The following COL5A3 variants were observed in gnomAD, a reference collection of about 807,000 sequenced individuals.
The protein encoded by COL5A3 is collagen type V alpha 3 chain, also known as collagen alpha-3(V) chain.
In COL5A3, 172 loss-of-function variants were observed where a neutral mutation model predicts 250.0. The ratio of observed to expected loss-of-function variants is 0.69; its 90% CI spans 0.61 to 0.78. COL5A3 has a LOEUF of 0.78. COL5A3 is among the 30% of genes least tolerant of loss of function. The probability of loss-of-function intolerance (pLI) is 0.00; values close to 1 mark genes in which losing one functional copy is unlikely to be tolerated. For missense variants in COL5A3, 2,340 were observed against 2,334.4 expected, an observed-to-expected ratio of 1.00 and a Z score of -0.05; for synonymous variants, 937 against 900.4, an observed-to-expected ratio of 1.04 and a Z score of -0.73.
rs2086780368 is a variant in COL5A3, at chr19:9,968,135, A to G, written c.4315-56T>C. On this transcript the variant is annotated intron_variant, in intron 59 of 66. Transcript: ENST00000264828. The surrounding 1 kb of genome is among the most constrained non-coding windows in gnomAD (Gnocchi z 4.1). ...GGGGTACACCCTATTGCCCTGACACATCCCCCAGACAAGCCTTCAATCCTA... is the reference window on the plus strand; with the variant it reads ...GGGGTACACCCTATTGCCCTGACACGTCCCCCAGACAAGCCTTCAATCCTA... 6.7e-7 allele frequency: 1 copy of G among 1,488,246 alleles called. No homozygotes were observed. The highest frequency in any genetic ancestry group is 9.2e-7 in the Non-Finnish European group (1 of 1,091,514). 92.2% of individuals were successfully genotyped at this position (1,488,246 alleles called of 1,614,324 possible).
intron 44 of COL5A3, among the ~76,000 whole-genome samples, chr19:9,976,911 C>T (rs907533514): frequency 2.6e-5 from 4 of 152,002 alleles, no homozygotes; most frequent in Admixed American, 1.3e-4. Context: ...GTATCAGATG[C>T]TTCAGTGCCT....
In COL5A3 at chr19:9,983,584, GAAAGAAAGAAAGAA is replaced by G. The variant is rs1568418760; in HGVS notation, c.2407-1480_2407-1467del. Reference sequence around the variant, plus strand: ...AGAAAGAAAGAAAGAAAGAAAGAAAGAAAGAAAGAAAGAAAGAGAAAGAGAGAGAGAGAGAAAGA... The same window carrying G: ...AGAAAGAAAGAAAGAAAGAAAGAAAGAGAGAAAGAGAGAGAGAGAGAAAGA... On this transcript the variant is annotated intron_variant, in intron 31 of 66. Transcript: ENST00000264828. Among the ~76,000 whole-genome samples the G allele has an allele frequency of 6.5e-4, 59 of 90,820 alleles. 1 individual carries two copies. Among genetic ancestry groups the G allele is most frequent in the African/African-American group, 1.9e-3 (46 of 24,632 alleles). 59.6% of individuals were successfully genotyped at this position (90,820 alleles called of 152,430 possible).
chr19:10,006,372 A>C, intron 1 of COL5A3, 141 bp from the exon 2 acceptor site: 1 of 829,836 alleles, frequency 1.2e-6, no homozygotes, highest in Non-Finnish European at 1.8e-6. Context: ...GCTCAGGAAG[A>C]AGGAGCCGGC....
intron 1 of COL5A3, 61 bp downstream of exon 1, chr19:10,010,237 G>T (rs1030459684): frequency 1.1e-5 from 5 of 458,532 alleles, no homozygotes; most frequent in Non-Finnish European, 1.6e-5. Context: ...TCCACCCCTC[G>T]CTCTTTTAGA....
chr19:10,008,127 A>G (rs925754753), intron 1 of COL5A3, among the ~76,000 whole-genome samples: 2 of 151,902 alleles, frequency 1.3e-5, no homozygotes, highest in Admixed American at 6.6e-5. Context: ...TCACTTCCCC[A>G]CGGAACAATC....
intron 1 of COL5A3, among the ~76,000 whole-genome samples, chr19:10,007,731 T>G (rs1340314963): frequency 1.3e-5 from 2 of 152,156 alleles, no homozygotes; most frequent in African/African-American, 4.8e-5. Context: ...GGCACGGGCT[T>G]GGATGAAGGA....
intron 24 of COL5A3, 66 bp downstream of exon 24, chr19:9,991,544 T>G: frequency 5.0e-6 from 7 of 1,402,232 alleles, no homozygotes; most frequent in Non-Finnish European, 6.8e-6. Context: ...GTGGGAAGAT[T>G]TTCCTGGCAA....
At chr19:9,983,529 G>GAAAGA (rs71188871) in intron 31 of COL5A3, among the ~76,000 whole-genome samples, 1 of 95,240 alleles carries the variant, frequency 1.0e-5, no homozygotes, top group Admixed American at 1.3e-4. Flanking sequence ...CAAAAAGAAA[G>GAAAGA]AAGAAAGAAA....
chr19:10,004,189 C>A (rs1311491111), intron 4 of COL5A3, 44 bp from the exon 5 acceptor site: 1 of 1,454,840 alleles, frequency 6.9e-7, no homozygotes, highest in East Asian at 2.3e-5. Flanking sequence ...AGCCATACAG[C>A]CATAGGCTTA....
chr19:9,962,093 CAAAATA>C (rs2086682006), intron 65 of COL5A3, among the ~76,000 whole-genome samples: 1 of 151,180 alleles, frequency 6.6e-6, no homozygotes, highest in African/African-American at 2.4e-5. Context: ...GAAAAAAATA[CAAAATA>C]TCTTAATAAT....
At position 9,977,262 on chromosome 19, in the gene COL5A3, T is replaced by C. The variant is rs1177225288; in HGVS notation, c.3255A>G (p.Gly1085=). 1.2e-6 allele frequency: 2 copies of C among 1,614,026 alleles called. No homozygotes were observed. Among genetic ancestry groups the C allele is most frequent in the Admixed American group, 3.3e-5 (2 of 60,014 alleles). The change falls in exon 44 of 67, where the codon GGA becomes GGG. Residue 1085 remains glycine, a synonymous_variant. Coordinates refer to ENST00000264828, the MANE Select transcript of COL5A3 (RefSeq NM_015719.4). ...CTTTATCGCCTTTACTCCCCTTGTG[T>C]CCGGGGGCACCCACATCCCCCTGCA... ...EGDKGDVGAP[G]HKGSKGDKGD...
At chr19:9,965,610 G>A (rs2086732800) in intron 64 of COL5A3, among the ~76,000 whole-genome samples, 1 of 151,542 alleles carries the variant, frequency 6.6e-6, no homozygotes, top group South Asian at 2.1e-4. Context: ...CCGCCATCAC[G>A]CTCAGCTGAT....
intron 55 of COL5A3, 81 bp from the exon 56 acceptor site, chr19:9,969,763 G>C (rs903258267): frequency 1.9e-5 from 30 of 1,567,724 alleles, no homozygotes; most frequent in Non-Finnish European, 2.6e-5. Flanking sequence ...ATCTGGGATC[G>C]GGAGGGAGTA....
At chr19:9,993,527 G>A in intron 18 of COL5A3, 92 bp downstream of exon 18, 1 of 1,577,926 alleles carries the variant, frequency 6.3e-7, no homozygotes, top group Non-Finnish European at 8.7e-7. Context: ...GAGGGACACA[G>A]GGATCATGAC....
chr19:9,995,111 T>C (rs1293388784), intron 16 of COL5A3, among the ~76,000 whole-genome samples: 2 of 152,160 alleles, frequency 1.3e-5, no homozygotes, highest in Non-Finnish European at 2.9e-5. Flanking sequence ...TTTCCCCATG[T>C]TGGCCAGGTT....
rs541863126 is a variant in COL5A3 at position 9,964,431 on chromosome 19, T to A, written c.4783-1544A>T. Among the ~76,000 whole-genome samples the A allele has an allele frequency of 2.6e-5, 4 of 152,068 alleles. No individual in the cohort carries two copies. In the South Asian group the frequency reaches 8.3e-4, roughly 32 times the overall value. Reference sequence around the variant, plus strand: ...CCTGGGCAACATAGTGAGACCCTCATCTCTATAAGAAATTTAAAAAATTAG... The same window carrying A: ...CCTGGGCAACATAGTGAGACCCTCAACTCTATAAGAAATTTAAAAAATTAG... On this transcript the variant is annotated intron_variant, in intron 64 of 66. Coordinates refer to ENST00000264828, the MANE Select transcript of COL5A3 (RefSeq NM_015719.4).
chr19:9,995,309 T>G (rs1469308926), intron 16 of COL5A3, among the ~76,000 whole-genome samples: 1 of 152,254 alleles, frequency 6.6e-6, no homozygotes, highest in Non-Finnish European at 1.5e-5. Flanking sequence ...CCGTGCTGTT[T>G]CTTCCACTTC....
chr19:9,965,709 C>T (rs1599526443), intron 64 of COL5A3, among the ~76,000 whole-genome samples: 1 of 139,414 alleles, frequency 7.2e-6, no homozygotes, highest in Non-Finnish European at 1.6e-5. Context: ...CCCGCTTGGC[C>T]TCCCAAAGTG....
chr19:9,966,758 G>A lies in COL5A3; in HGVS notation c.4459-12C>T. 1 of 1,528,242 alleles carries A rather than the reference G, an allele frequency of 6.5e-7. No homozygotes were observed. Among genetic ancestry groups the A allele is most frequent in the Non-Finnish European group, 8.8e-7 (1 of 1,141,452 alleles). 94.7% of individuals were successfully genotyped at this position (1,528,242 alleles called of 1,614,324 possible). A position where few individuals can be genotyped will look rare whatever the true frequency, so the allele number is the denominator to read the frequency against. ...TCGGCAGGGGCACCCTGGGCGTAGG[G>A]GATGGGGACGGAGAAGAGAGGGGAG... On this transcript the variant is annotated splice_polypyrimidine_tract_variant and intron_variant, in intron 62 of 66. Transcript: ENST00000264828.
Sources: allele counts gnomAD v4.1 joint callset (sites outside exome capture counted in the v4.1 genomes callset), GRCh38; gene constraint gnomAD v4.1.1; non-coding constraint Gnocchi (gnomAD v3.1); transcripts MANE v1.5; gene names NCBI Gene and HGNC (gene_info 2026-07-23, HGNC 2026-07-21).